Variants in PRKAR1A observed in about 807,000 individuals in gnomAD.
PRKAR1A encodes the protein cAMP-dependent protein kinase type I-alpha regulatory subunit.
PRKAR1A carries 3 observed loss-of-function variants against 52.0 expected under a neutral mutation model. The observed-to-expected ratio is 0.06, with a 90% CI of 0.03 to 0.15. PRKAR1A has a LOEUF of 0.15. Among genes scored for constraint, PRKAR1A ranks in the 10% least tolerant of loss-of-function variants. The probability of loss-of-function intolerance (pLI) is 1.00; values close to 1 mark genes in which losing one functional copy is unlikely to be tolerated. For synonymous variants in PRKAR1A, 188 were observed against 168.4 expected (o/e 1.12, Z -0.90); for missense variants, 240 against 477.4 (o/e 0.50, Z 4.63).
the PRKAR1A span, among the ~76,000 whole-genome samples, chr17:68,419,199 T>C: frequency 1.1e-4 from 16 of 152,018 alleles, no homozygotes; most frequent in Non-Finnish European, 2.4e-4. Flanking sequence ...CACCAATTGG[T>C]AGTCAAGAAA....
chr17:68,423,445 TGA>T, the PRKAR1A span, among the ~76,000 whole-genome samples: 1 of 152,194 alleles, frequency 6.6e-6, no homozygotes, highest in African/African-American at 2.4e-5. The surrounding 1 kb of genome is among the most constrained non-coding windows in gnomAD (Gnocchi z 4.4). Context: ...GAGGGCAGAC[TGA>T]GAGGTTGGTG....
chr17:68,502,755 G>GAAAAAAAAAAA, the PRKAR1A span, among the ~76,000 whole-genome samples: 1 of 86,290 alleles, frequency 1.2e-5, no homozygotes. Context: ...TTCATCTCAG[G>GAAAAAAAAAAA]AAAAAAAAAA....
chr17:68,437,743 G>A, the PRKAR1A span, among the ~76,000 whole-genome samples: 1 of 151,990 alleles, frequency 6.6e-6, no homozygotes, highest in South Asian at 2.1e-4. Context: ...TATTCCGGAA[G>A]AGTAAACAGC....
chr17:68,433,760 G>GTTTTTTTTTTTTTTTTTTTTTTTT, the PRKAR1A span, among the ~76,000 whole-genome samples: 1 of 72,822 alleles, frequency 1.4e-5, no homozygotes, highest in African/African-American at 6.5e-5. Context: ...AAGGGTCATA[G>GTTTTTTTTTTTTTTTTTTTTTTTT]TTTTTTTTTT....
chr17:68,423,646 G>A, the PRKAR1A span, among the ~76,000 whole-genome samples: 1 of 152,136 alleles, frequency 6.6e-6, no homozygotes, highest in Non-Finnish European at 1.5e-5. The surrounding 1 kb of genome is among the most constrained non-coding windows in gnomAD (Gnocchi z 4.4). Flanking sequence ...AGAAACAACT[G>A]GCTCATGCCC....
chr17:68,419,491 G>T, the PRKAR1A span, among the ~76,000 whole-genome samples: 1 of 152,190 alleles, frequency 6.6e-6, no homozygotes, highest in Non-Finnish European at 1.5e-5. Context: ...CAGGAGAATT[G>T]CTTGAACCTG....
At position 68,522,767 on chromosome 17, in the gene PRKAR1A, A is replaced by G. The variant is rs1060504126; in HGVS notation, c.189A>G (p.Lys63=). Residue 63 remains lysine (K), a synonymous_variant, in exon 3 of 11, where the codon AAA becomes AAG. Coordinates refer to ENST00000589228, the MANE Select transcript of PRKAR1A (RefSeq NM_002734.5). ...GTAATTTCTTTCAGGAGGAGGCAAA[A>G]CAGATTCAGAATCTGCAGAAAGCAG... is the stretch of plus-strand genomic sequence containing the variant. ...YFERLEKEEA[K]QIQNLQKAGT... 17 of 1,613,976 alleles carry G rather than the reference A, an allele frequency of 1.1e-5. No individual in the cohort carries two copies. The highest frequency in any genetic ancestry group is 2.7e-5 in the African/African-American group (2 of 74,908).
chr17:68,446,468 T>A, the PRKAR1A span, among the ~76,000 whole-genome samples: 1 of 152,120 alleles, frequency 6.6e-6, no homozygotes, highest in East Asian at 1.9e-4. Context: ...AAGCATGAGC[T>A]ACTGTGCCCA....
the PRKAR1A span, among the ~76,000 whole-genome samples, chr17:68,438,265 C>T: frequency 2.0e-5 from 3 of 152,194 alleles, no homozygotes; most frequent in Non-Finnish European, 4.4e-5. Flanking sequence ...ACCCCTTTGG[C>T]GATACAAGGT....
the PRKAR1A span, chr17:68,421,671 C>G: frequency 1.3e-6 from 2 of 1,531,478 alleles, no homozygotes; most frequent in East Asian, 2.3e-5. Context: ...ATTCCTGCCC[C>G]CCTTTCTGCT....
chr17:68,437,798 G>T, the PRKAR1A span, among the ~76,000 whole-genome samples: 1 of 151,874 alleles, frequency 6.6e-6, no homozygotes, highest in Non-Finnish European at 1.5e-5. Flanking sequence ...ATTTATAAGG[G>T]GATTCAAGAA....
At chr17:68,432,426 A>G in the PRKAR1A span, among the ~76,000 whole-genome samples, 1 of 152,186 alleles carries the variant, frequency 6.6e-6, no homozygotes, top group Non-Finnish European at 1.5e-5. Context: ...TCATGCTGAG[A>G]AGAAGACCCA....
chr17:68,458,589 A>T, the PRKAR1A span, among the ~76,000 whole-genome samples: 1 of 152,204 alleles, frequency 6.6e-6, no homozygotes, highest in Non-Finnish European at 1.5e-5. Flanking sequence ...AGTGTAGTTT[A>T]TGAAAGGGGT....
At chr17:68,541,424 C>T (rs1210397229) in intron 11 of PRKAR1A, 1 of 213,894 alleles carries the variant, frequency 4.7e-6, no homozygotes, top group Non-Finnish European at 9.6e-6. Flanking sequence ...CACAGAGTCC[C>T]TTAGGATCTG....
At chr17:68,432,503 C>T in the PRKAR1A span, among the ~76,000 whole-genome samples, 1 of 152,182 alleles carries the variant, frequency 6.6e-6, no homozygotes, top group Admixed American at 6.5e-5. Flanking sequence ...AGTCCCAGCA[C>T]TTTGGGAGGT....
chr17:68,417,097 TG>T, the PRKAR1A span, among the ~76,000 whole-genome samples: 1 of 152,194 alleles, frequency 6.6e-6, no homozygotes. Context: ...CCTTCTCATT[TG>T]GGTAGGTTAT....
chr17:68,436,465 AGAG>A, the PRKAR1A span: 3 of 1,613,952 alleles, frequency 1.9e-6, no homozygotes, highest in Non-Finnish European at 2.5e-6. Context: ...TGGTTGATAG[AGAG>A]AGCACATAGA....
chr17:68,457,536 CG>C, the PRKAR1A span: 91,931 of 240,144 alleles, frequency 0.38, 16,037 homozygotes, highest in African/African-American at 0.49. Flanking sequence ...TACCCCGCCC[CG>C]TCCCCACCCC....
At chr17:68,529,065 C>A (rs976733690) in intron 9 of PRKAR1A, 74 bp downstream of exon 9, 1 of 1,575,702 alleles carries the variant, frequency 6.3e-7, no homozygotes, top group Non-Finnish European at 8.7e-7. Context: ...AAAAGTTGTA[C>A]GCTCTAAGAG....
Sources: gnomAD v4.1 joint callset for allele counts (sites outside exome capture counted in the v4.1 genomes callset) on GRCh38, gnomAD v4.1.1 for gene constraint, Gnocchi (gnomAD v3.1) non-coding constraint, MANE v1.5 for transcripts, NCBI Gene and HGNC (gene_info 2026-07-23, HGNC 2026-07-21) for gene names.